Variants in TPR observed in about 807,000 individuals in gnomAD.
TPR encodes the protein nucleoprotein TPR.
A neutral mutation model predicts 316.1 loss-of-function variants in TPR; 51 were observed. The observed-to-expected ratio is 0.16, with a 90% CI of 0.13 to 0.20. The LOEUF is 0.20. Among genes scored for constraint, TPR ranks in the 10% least tolerant of loss-of-function variants. TPR has a pLI of 1.00. For missense variants in TPR, 2,272 were observed against 2,754.8 expected (o/e 0.82, Z 3.92); for synonymous variants, 981 against 914.7 (o/e 1.07, Z -1.31).
At chr1:186,361,040 A>C in intron 9 of TPR, 135 bp from the exon 10 acceptor site, 1 of 928,820 alleles carries the variant, frequency 1.1e-6, no homozygotes, top group Non-Finnish European at 1.6e-6. Context: ...GACAGTATCT[A>C]TTGAAAGTTC....
chr1:186,345,421 CT>C (rs1254394190), intron 24 of TPR, among the ~76,000 whole-genome samples, 158 bp downstream of exon 24: 10 of 152,042 alleles, frequency 6.6e-5, no homozygotes, highest in African/African-American at 2.2e-4. Flanking sequence ...TATTTTTAGC[CT>C]TCCATCTATA....
chr1:186,318,477 T>A lies in TPR; in HGVS notation c.6791A>T (p.Asp2264Val). Residue 2264 changes from aspartate (D) to valine (V), a missense_variant, in exon 48 of 51, where the codon GAT (aspartate) becomes GTT (valine). Asp to Val is a radical substitution (Grantham distance 152). Coordinates refer to ENST00000367478, the MANE Select transcript of TPR (RefSeq NM_003292.3). ...TNETATGDDG[D>V]EVFVEAESEG... The stretch of plus-strand genomic sequence containing the variant: ...AGATTCTGCCTCCACAAATACTTCA[T>A]CTCCATCATCACCTGTTGCTGTTTC... 1 of 1,612,624 alleles carries A rather than the reference T, an allele frequency of 6.2e-7. No homozygotes were observed. The highest frequency in any genetic ancestry group is 8.5e-7 in the Non-Finnish European group (1 of 1,179,630).
At chr1:186,369,058 CAT>C (rs1034780766) in intron 3 of TPR, among the ~76,000 whole-genome samples, 29 of 152,122 alleles carry the variant, frequency 1.9e-4, no homozygotes, top group Admixed American at 1.6e-3. Flanking sequence ...ATTAGTTGAC[CAT>C]ATGTTTGGAT....
chr1:186,325,687 A>G (rs1487816718), intron 42 of TPR, 77 bp downstream of exon 42: 2 of 1,122,568 alleles, frequency 1.8e-6, no homozygotes, highest in Non-Finnish European at 2.6e-6. Flanking sequence ...ATAAATTTAT[A>G]TATTAGAATT....
intron 4 of TPR, among the ~76,000 whole-genome samples, chr1:186,365,056 C>T (rs1234204543): frequency 6.6e-6 from 1 of 151,436 alleles, no homozygotes; most frequent in Non-Finnish European, 1.5e-5. Flanking sequence ...TCCACTCATG[C>T]TTTGTCCCTA....
chr1:186,313,382 G>T lies in TPR; in HGVS notation c.*589C>A, dbSNP rs1657428301. The T allele has an allele frequency of 5.8e-6, 2 of 344,592 alleles. No homozygotes were observed. Among genetic ancestry groups the T allele is most frequent in the Admixed American group, 8.9e-5 (2 of 22,354 alleles). 21.3% of individuals were successfully genotyped at this position (344,592 alleles called of 1,614,324 possible). On this transcript the variant is annotated 3_prime_UTR_variant, in exon 51 of 51. Coordinates refer to ENST00000367478, the MANE Select transcript of TPR (RefSeq NM_003292.3). ...TGACATTGGCATGTATTTTTTAAAAGGAATAACCCCAAGTAAATTATTTTT... is the reference window on the plus strand; with the variant it reads ...TGACATTGGCATGTATTTTTTAAAATGAATAACCCCAAGTAAATTATTTTT...
At chr1:186,350,458 A>G in intron 20 of TPR, 70 bp from the exon 21 acceptor site, 2 of 1,224,300 alleles carry the variant, frequency 1.6e-6, no homozygotes, top group Non-Finnish European at 2.2e-6. Context: ...CTATCTTTTT[A>G]TAGACCTTTG....
At chr1:186,337,930 G>C (rs1043079907) in intron 31 of TPR, 103 bp downstream of exon 31, 1 of 915,156 alleles carries the variant, frequency 1.1e-6, no homozygotes, top group African/African-American at 1.7e-5. Flanking sequence ...ATGCTTACAC[G>C]ATTTCGGTAT....
chr1:186,317,371 C>A, intron 49 of TPR, 111 bp downstream of exon 49: 1 of 836,140 alleles, frequency 1.2e-6, no homozygotes, highest in Non-Finnish European at 2.0e-6. Context: ...TTAAATAAAG[C>A]ATTTTAAAAT....
At chr1:186,366,348 A>T (rs1205076003) in intron 4 of TPR, among the ~76,000 whole-genome samples, 2 of 152,094 alleles carry the variant, frequency 1.3e-5, no homozygotes, top group East Asian at 3.9e-4. Context: ...CTTCCTTATG[A>T]TTTTCTTAAC....
At chr1:186,346,422 A>G (rs955089516) in intron 22 of TPR, 135 bp from the exon 23 acceptor site, 1 of 924,614 alleles carries the variant, frequency 1.1e-6, no homozygotes, top group Admixed American at 3.3e-5. Context: ...GAATCCATCA[A>G]AGGTGATTAG....
At position 186,335,462 on chromosome 1, in the gene TPR, T is replaced by C. The variant is rs1658311129; in HGVS notation, c.4787A>G (p.Asp1596Gly). 4 of 1,613,606 alleles carry C rather than the reference T, an allele frequency of 2.5e-6. No homozygotes were observed. The highest frequency in any genetic ancestry group is 1.7e-5 in the Admixed American group (1 of 59,962). The change falls in exon 34 of 51, where the codon GAT becomes GGT. Residue 1596 changes from aspartate to glycine, a missense_variant. By Grantham distance (94) the Asp-to-Gly change is moderately conservative. Transcript: ENST00000367478. The stretch of plus-strand genomic sequence containing the variant: ...GGACTTTAGCGCAGTAATGCGAACA[T>C]CCAATTCATCTTTCTGCTGATCTAA... ...GALDQQKDELDVRITALKSQY... is the reference protein window; with the variant it reads ...GALDQQKDELGVRITALKSQY...
chr1:186,341,768 T>C (rs569734300), intron 27 of TPR: 1 of 162,058 alleles, frequency 6.2e-6, no homozygotes, highest in South Asian at 1.9e-4. Flanking sequence ...AAATCTCTCA[T>C]TTTGATCCAT....
Position 186,358,523 on chromosome 1 carries a change from A to G in TPR, c.1497+20T>C. The G allele has an allele frequency of 6.3e-7, 1 of 1,599,614 alleles. No individual in the cohort carries two copies. Among genetic ancestry groups the G allele is most frequent in the Non-Finnish European group, 8.5e-7 (1 of 1,172,904 alleles). ...CAGTCAGGTTTTTAAAAGTAGGAAAACAAACAAAAAAATTCTAACCTGTTG... is the reference window on the plus strand; with the variant it reads ...CAGTCAGGTTTTTAAAAGTAGGAAAGCAAACAAAAAAATTCTAACCTGTTG... On this transcript the variant is annotated intron_variant, in intron 13 of 50. Transcript: ENST00000367478.
rs879468274 is a variant in TPR, at chr1:186,312,266, A to T, written c.*1705T>A. 1 of 1,614,090 alleles carries T rather than the reference A, an allele frequency of 6.2e-7. No homozygotes were observed. Among genetic ancestry groups the T allele is most frequent in the Non-Finnish European group, 8.5e-7 (1 of 1,179,976 alleles). On this transcript the variant is annotated 3_prime_UTR_variant, in exon 51 of 51. Coordinates refer to ENST00000367478, the MANE Select transcript of TPR (RefSeq NM_003292.3). ...CTCTAAATTATCCAGTGTATGGAGA[A>T]ACGACACAGGTTAGGAGACGTCGCT...
In TPR at chr1:186,374,865, G is replaced by C. The variant is rs758456155; in HGVS notation, c.151+13C>G. The C allele has an allele frequency of 5.0e-6, 8 of 1,586,784 alleles. No homozygotes were observed. The African/African-American group carries it at 1.1e-4, about 21-fold the overall frequency. On this transcript the variant is annotated intron_variant, in intron 1 of 50. Coordinates refer to ENST00000367478, the MANE Select transcript of TPR (RefSeq NM_003292.3). Reference sequence around the variant, plus strand: ...GAGCCCAAAACCAAGGACGGAAAGAGCATCTCACTTACCGCTCTCCACCTT... The same window carrying C: ...GAGCCCAAAACCAAGGACGGAAAGACCATCTCACTTACCGCTCTCCACCTT...
Position 186,312,392 on chromosome 1 carries a change from A to T in TPR, c.*1579T>A. On this transcript the variant is annotated 3_prime_UTR_variant, in exon 51 of 51. Coordinates refer to ENST00000367478, the MANE Select transcript of TPR (RefSeq NM_003292.3). ...ACAAAGGTAACATTTTTATTGTGTT[A>T]AAAAAATCCTTAAACATAAGTAGAT... 6.3e-7 allele frequency: 1 copy of T among 1,589,068 alleles called. No homozygotes were observed. Among genetic ancestry groups the T allele is most frequent in the Non-Finnish European group, 8.6e-7 (1 of 1,165,948 alleles).
chr1:186,323,751 G>T lies in TPR; in HGVS notation c.6232C>A (p.Pro2078Thr). The T allele has an allele frequency of 6.5e-7, 1 of 1,539,534 alleles. No homozygotes were observed. The highest frequency in any genetic ancestry group is 8.7e-7 in the Non-Finnish European group (1 of 1,153,948). Residue 2078 changes from proline (P) to threonine (T), a missense_variant, in exon 43 of 51, where the codon CCA becomes ACA. Pro to Thr is a conservative substitution (Grantham distance 38, BLOSUM62 -1). Around this residue, in one of 10 missense-constraint regions of TPR, gnomAD observed 435 missense variants for 461.1 expected, o/e 0.94. Transcript: ENST00000367478. ...PRAPQSPRRP[P>T]HPLPPRLTIH... ...GTCAGTCTTGGGGGAAGTGGATGTGGTGGGCGTCTCGGTGACTGAGGTGCT... is the reference window on the plus strand; with the variant it reads ...GTCAGTCTTGGGGGAAGTGGATGTGTTGGGCGTCTCGGTGACTGAGGTGCT...
At position 186,312,372 on chromosome 1, in the gene TPR, G is replaced by A. The variant is rs778793761; in HGVS notation, c.*1599C>T. ...TGCCAGACTGGCTTATCAAGACAAAGGTAACATTTTTATTGTGTTAAAAAA... is the reference window on the plus strand; with the variant it reads ...TGCCAGACTGGCTTATCAAGACAAAAGTAACATTTTTATTGTGTTAAAAAA... On this transcript the variant is annotated 3_prime_UTR_variant, in exon 51 of 51. Coordinates refer to ENST00000367478, the MANE Select transcript of TPR (RefSeq NM_003292.3). The A allele has an allele frequency of 1.2e-5, 20 of 1,603,878 alleles. No homozygotes were observed. Among genetic ancestry groups the A allele is most frequent in the Non-Finnish European group, 7.7e-6 (9 of 1,176,288 alleles).
Sources: gnomAD v4.1 joint callset for allele counts (sites outside exome capture counted in the v4.1 genomes callset) on GRCh38, gnomAD v4.1.1 for gene constraint, gnomAD v4.1.1 regional missense constraint, MANE v1.5 for transcripts, NCBI Gene and HGNC (gene_info 2026-07-23, HGNC 2026-07-21) for gene names.